KCNIP4: variants seen among roughly 807,000 people sequenced by gnomAD.
KCNIP4 encodes the protein Kv channel-interacting protein 4.
A neutral mutation model predicts 34.0 loss-of-function variants in KCNIP4; 12 were observed. That is an observed-to-expected ratio of 0.35 (90% CI 0.23 to 0.57). KCNIP4 has a LOEUF of 0.57. Ranked by LOEUF, KCNIP4 falls within the 20% of genes least tolerant of loss-of-function variation. The probability of loss-of-function intolerance (pLI) is 0.83; values close to 1 mark genes in which losing one functional copy is unlikely to be tolerated. For synonymous variants in KCNIP4, 124 were observed against 102.2 expected, an observed-to-expected ratio of 1.21 and a Z score of -1.29; for missense variants, 238 against 311.7, an observed-to-expected ratio of 0.76 and a Z score of 1.78.
At chr4:21,890,590 T>C (rs981988814) in intron 1 of KCNIP4, among the ~76,000 whole-genome samples, 1 of 152,126 alleles carries the variant, frequency 6.6e-6, no homozygotes, top group African/African-American at 2.4e-5. Flanking sequence ...TACCAGATAC[T>C]ACCACAAGGA....
At chr4:21,874,238 G>A (rs946101210) in intron 1 of KCNIP4, among the ~76,000 whole-genome samples, 11 of 152,238 alleles carry the variant, frequency 7.2e-5, no homozygotes, top group Non-Finnish European at 1.5e-4. Context: ...CATTGTTAGA[G>A]AAGCTTCCTG....
At chr4:21,133,968 G>A (rs555115186) in intron 1 of KCNIP4, among the ~76,000 whole-genome samples, 1 of 152,112 alleles carries the variant, frequency 6.6e-6, no homozygotes, top group Non-Finnish European at 1.5e-5. Context: ...TGCCCTGGAG[G>A]AAAGAATGTC....
intron 2 of KCNIP4, among the ~76,000 whole-genome samples, chr4:20,868,649 T>C (rs1259625712): frequency 6.6e-6 from 1 of 152,124 alleles, no homozygotes; most frequent in Middle Eastern, 3.2e-3. Context: ...CATGAAATAC[T>C]ATGCAGCCAT....
At chr4:21,166,073 C>T (rs934015875) in intron 1 of KCNIP4, among the ~76,000 whole-genome samples, 1 of 152,136 alleles carries the variant, frequency 6.6e-6, no homozygotes, top group African/African-American at 2.4e-5. Context: ...ACTTTTCAAC[C>T]TCCAGAACTG....
chr4:21,274,787 A>T (rs929990303), intron 1 of KCNIP4, among the ~76,000 whole-genome samples: 6 of 152,208 alleles, frequency 3.9e-5, no homozygotes, highest in Non-Finnish European at 8.8e-5. Context: ...AAGTTTACTC[A>T]GCTGTTTCTA....
At chr4:20,960,436 G>A (rs892474586) in intron 1 of KCNIP4, among the ~76,000 whole-genome samples, 1 of 152,172 alleles carries the variant, frequency 6.6e-6, no homozygotes, top group East Asian at 1.9e-4. Flanking sequence ...TGCTGAAAAC[G>A]CCATTAGCTG....
chr4:21,917,318 A>G (rs1379705969), intron 1 of KCNIP4, among the ~76,000 whole-genome samples: 2 of 151,834 alleles, frequency 1.3e-5, no homozygotes, highest in African/African-American at 4.8e-5. Context: ...TGTATTTTTA[A>G]TAGAGACTGG....
chr4:21,631,346 T>C lies in KCNIP4; in HGVS notation c.61+317225A>G, dbSNP rs1745753709. Among the ~76,000 whole-genome samples the C allele has an allele frequency of 4.6e-5, 7 of 152,170 alleles. No homozygotes were observed. The South Asian group carries it at 1.5e-3, about 32-fold the overall frequency. ...ATGACATTTTCTAGTTTTCCATTTA[T>C]TCAAATAGTAAAATTTTACTAAAAA... On this transcript the variant is annotated intron_variant, in intron 1 of 8. Coordinates refer to ENST00000382152, the MANE Select transcript of KCNIP4 (RefSeq NM_025221.6).
chr4:21,593,261 A>G (rs73254306), intron 1 of KCNIP4, among the ~76,000 whole-genome samples: 10,028 of 152,114 alleles, frequency 0.066, 477 homozygotes, highest in African/African-American at 0.13. Flanking sequence ...TTCTTAACTT[A>G]TGCTGCCACT....
intron 1 of KCNIP4, among the ~76,000 whole-genome samples, chr4:21,213,729 A>T (rs921734522): frequency 4.6e-5 from 7 of 152,214 alleles, no homozygotes; most frequent in Admixed American, 4.6e-4. Context: ...TTAAAGAAAC[A>T]CAGAGAAATG....
At chr4:21,575,971 C>T (rs751523375) in intron 1 of KCNIP4, among the ~76,000 whole-genome samples, 50 of 152,150 alleles carry the variant, frequency 3.3e-4, no homozygotes, top group Non-Finnish European at 7.1e-4. Flanking sequence ...CCTAAGTCAT[C>T]ACTTGGAAGA....
At chr4:21,192,226 C>G (rs1755702173) in intron 1 of KCNIP4, among the ~76,000 whole-genome samples, 1 of 152,130 alleles carries the variant, frequency 6.6e-6, no homozygotes, top group African/African-American at 2.4e-5. Context: ...TGCTTTAATT[C>G]TAGGATGCCA....
At chr4:21,525,674 G>T (rs1477893651) in intron 1 of KCNIP4, among the ~76,000 whole-genome samples, 1 of 152,036 alleles carries the variant, frequency 6.6e-6, no homozygotes, top group East Asian at 1.9e-4. Flanking sequence ...GTTGCAAAAA[G>T]CAGCTCCTAT....
At chr4:21,697,646 A>G (rs1712485330) in intron 1 of KCNIP4, 1 of 1,306,928 alleles carries the variant, frequency 7.7e-7, no homozygotes. Flanking sequence ...CAACAGTAAC[A>G]GGGAGGTGAG....
intron 1 of KCNIP4, among the ~76,000 whole-genome samples, chr4:20,887,166 A>T (rs1419137897): frequency 6.6e-6 from 1 of 152,044 alleles, no homozygotes; most frequent in African/African-American, 2.4e-5. Context: ...CTACTGAAGA[A>T]AGGATTATGA....
chr4:21,103,426 T>A (rs1474025040), intron 1 of KCNIP4, among the ~76,000 whole-genome samples: 1 of 148,074 alleles, frequency 6.8e-6, no homozygotes, highest in Non-Finnish European at 1.5e-5. Flanking sequence ...TTGCTGACTT[T>A]ATCATTAGTT....
chr4:21,345,793 T>C (rs1717245915), intron 1 of KCNIP4, among the ~76,000 whole-genome samples: 1 of 151,980 alleles, frequency 6.6e-6, no homozygotes, highest in South Asian at 2.1e-4. Context: ...TCCTTAAAAA[T>C]ATGAAATTTC....
chr4:21,899,246 T>C (rs1727573253), intron 1 of KCNIP4, among the ~76,000 whole-genome samples: 1 of 152,018 alleles, frequency 6.6e-6, no homozygotes, highest in African/African-American at 2.4e-5. Context: ...CCCTTCATGA[T>C]AAAAACCCTC....
chr4:20,769,649 A>G (rs1169972064), intron 3 of KCNIP4, among the ~76,000 whole-genome samples: 5 of 152,246 alleles, frequency 3.3e-5, no homozygotes, highest in Non-Finnish European at 5.9e-5. Flanking sequence ...GTGGGATAAA[A>G]GAGTCTGACA....
Sources: gnomAD v4.1 joint callset for allele counts (sites outside exome capture counted in the v4.1 genomes callset) on GRCh38, gnomAD v4.1.1 for gene constraint, MANE v1.5 for transcripts, NCBI Gene and HGNC (gene_info 2026-07-23, HGNC 2026-07-21) for gene names.